The following XPO1 variants were observed in gnomAD, a reference collection of about 807,000 sequenced individuals.
The protein encoded by XPO1 is exportin-1.
Under a neutral mutation model 133.3 loss-of-function variants are expected in XPO1, and 5 were observed. The observed-to-expected ratio is 0.04, with a 90% confidence interval of 0.02 to 0.08. The LOEUF (loss-of-function observed/expected upper bound fraction) is 0.08. Among genes scored for constraint, XPO1 ranks in the 10% least tolerant of loss-of-function variants. The pLI is 1.00. For synonymous variants in XPO1, 419 were observed against 408.2 expected (o/e 1.03, Z -0.32); for missense variants, 506 against 1,267.5 (o/e 0.40, Z 9.12).
At chr2:61,521,252 G>C (rs1698675072) in intron 4 of XPO1, among the ~76,000 whole-genome samples, 1 of 151,994 alleles carries the variant, frequency 6.6e-6, no homozygotes. Flanking sequence ...CTCAAACTTT[G>C]TCAAGGTTTA....
In XPO1 at chr2:61,492,895, A is replaced by G. The variant is rs1697063948; in HGVS notation, c.1384+20T>C. Reference sequence around the variant, plus strand: ...GAATAGATTTATAAAGGTAAAGATTAACAGTATTTATTAACTTACCCAATG... The same window carrying G: ...GAATAGATTTATAAAGGTAAAGATTGACAGTATTTATTAACTTACCCAATG... On this transcript the variant is annotated intron_variant, in intron 13 of 24. Transcript: ENST00000401558. This position sits in a 1 kb window ranked among gnomAD's most constrained non-coding sequence, Gnocchi z 5.6. 1 of 1,584,600 alleles carries G rather than the reference A, an allele frequency of 6.3e-7. No homozygotes were observed.
At chr2:61,513,131 T>C (rs1213142858) in intron 4 of XPO1, among the ~76,000 whole-genome samples, 1 of 152,110 alleles carries the variant, frequency 6.6e-6, no homozygotes, top group African/African-American at 2.4e-5. Context: ...CTCGGCTCAC[T>C]GCAACCTCCA....
At chr2:61,487,319 T>C (rs1394118037) in intron 19 of XPO1, among the ~76,000 whole-genome samples, 1 of 152,232 alleles carries the variant, frequency 6.6e-6, no homozygotes, top group Non-Finnish European at 1.5e-5. Flanking sequence ...ATTACAAACA[T>C]CACAATTCCT....
intron 22 of XPO1, chr2:61,482,756 C>T: frequency 1.3e-6 from 1 of 740,906 alleles, no homozygotes; most frequent in East Asian, 2.8e-5. Flanking sequence ...CAATCACATG[C>T]CACCATGCCC....
At position 61,538,051 on chromosome 2, in the gene XPO1, C is replaced by CG. The variant is rs1487828575; in HGVS notation, c.-497_-496insC. The CG allele has an allele frequency of 8.3e-6, 1 of 121,124 alleles. No homozygotes were observed. The highest frequency in any genetic ancestry group is 8.0e-5 in the Admixed American group (1 of 12,546). 7.5% of individuals were successfully genotyped at this position (121,124 alleles called of 1,614,324 possible). On this transcript the variant is annotated 5_prime_UTR_variant, in exon 1 of 25. Transcript: ENST00000401558. ...GCGGCTCCGGCGCTGGCCCCCCCCCCCCCAAGGCTCGCCTAAACTTTCCCC... is the reference window on the plus strand; with the variant it reads ...GCGGCTCCGGCGCTGGCCCCCCCCCCGCCCAAGGCTCGCCTAAACTTTCCCC...
chr2:61,506,405 A>C (rs985315201), intron 4 of XPO1, among the ~76,000 whole-genome samples: 1 of 152,172 alleles, frequency 6.6e-6, no homozygotes, highest in Non-Finnish European at 1.5e-5. Flanking sequence ...CCTGGGTGAC[A>C]GAGCAAGACT....
chr2:61,480,584 G>A (rs559219281), intron 24 of XPO1: 1 of 151,554 alleles, frequency 6.6e-6, no homozygotes, highest in South Asian at 2.1e-4. Context: ...CCCAGCCTAG[G>A]TAACTTTCAT....
intron 4 of XPO1, among the ~76,000 whole-genome samples, chr2:61,515,457 C>G (rs1388899889): frequency 6.6e-6 from 1 of 152,106 alleles, no homozygotes; most frequent in Non-Finnish European, 1.5e-5. Flanking sequence ...GAAGGTATTT[C>G]AGAAGGTTCA....
Position 61,492,486 on chromosome 2 carries a change from A to G in XPO1, c.1567-5T>C. 1 of 1,587,428 alleles carries G rather than the reference A, an allele frequency of 6.3e-7. No individual in the cohort carries two copies. Among genetic ancestry groups the G allele is most frequent in the East Asian group, 2.2e-5 (1 of 44,728 alleles). On this transcript the variant is annotated splice_polypyrimidine_tract_variant and splice_region_variant and intron_variant, in intron 14 of 24. Transcript: ENST00000401558. This position sits in a 1 kb window ranked among gnomAD's most constrained non-coding sequence, Gnocchi z 5.6. ...TTCACATAATCCTAATAGATCCTGT[A>G]AATAAGACAAATTTGTATTATTTAT...
In XPO1 at chr2:61,500,429, A is replaced by C. The variant is rs374042892; in HGVS notation, c.409-535T>G. 4.4e-4 allele frequency among the ~76,000 whole-genome samples: 67 copies of C among 151,864 alleles called. 2 individuals are homozygous for C. In the East Asian group the frequency reaches 0.012, roughly 27 times the overall value. ...CCCTGTCTCTACTAAAAATACAAAA[A>C]TTAGCGAGGCATGGTGACGTGTGCC... On this transcript the variant is annotated intron_variant, in intron 6 of 24. Transcript: ENST00000401558.
Position 61,490,694 on chromosome 2 carries a change from T to C in XPO1, c.1970A>G (p.Tyr657Cys), listed in dbSNP as rs1269562267. The change falls in exon 17 of 25, where the codon TAC becomes TGC. Residue 657 changes from tyrosine to cysteine, a missense_variant. Transcript: ENST00000401558. ...QTVQEHLIEK[Y>C]MLLPNQVWDS... ...CCACACTTGATTAGGGAGTAACATG[T>C]ACTTTTCTATCAAGTGTTCTTGTAC... 6.2e-7 allele frequency: 1 copy of C among 1,614,228 alleles called. No individual in the cohort carries two copies. The highest frequency in any genetic ancestry group is 1.1e-5 in the South Asian group (1 of 91,086).
chr2:61,537,776 C>T lies in XPO1; in HGVS notation c.-221G>A, dbSNP rs1699418635. The stretch of plus-strand genomic sequence containing the variant: ...CAACACACACACACACACACACACA[C>T]ACACACACCCGCCCCCCCCCAAAAG... On this transcript the variant is annotated 5_prime_UTR_variant, in exon 1 of 25. The change creates a new upstream start codon in the 5' untranslated region. Coordinates refer to ENST00000401558, the MANE Select transcript of XPO1 (RefSeq NM_003400.4). 6.5e-6 allele frequency: 1 copy of T among 154,748 alleles called. No homozygotes were observed. Among genetic ancestry groups the T allele is most frequent in the Admixed American group, 6.5e-5 (1 of 15,284 alleles). The allele number at this position is 154,748 out of a possible 1,614,324, so 9.6% of individuals were successfully genotyped here.
At chr2:61,529,457 A>G (rs755940047) in intron 2 of XPO1, among the ~76,000 whole-genome samples, 1 of 152,174 alleles carries the variant, frequency 6.6e-6, no homozygotes, top group Non-Finnish European at 1.5e-5. Context: ...GAAGTTCAAG[A>G]CCAGCCTGGC....
At chr2:61,534,150 G>A (rs1573234981) in intron 1 of XPO1, 1 of 317,900 alleles carries the variant, frequency 3.1e-6, no homozygotes, top group South Asian at 7.7e-5. Flanking sequence ...ACACCAGGAA[G>A]ACTTTCCTAT....
At chr2:61,519,107 C>T (rs913891222) in intron 4 of XPO1, among the ~76,000 whole-genome samples, 2 of 152,016 alleles carry the variant, frequency 1.3e-5, no homozygotes, top group East Asian at 1.9e-4. Context: ...TGTGCCACCA[C>T]GCCCGGCTAA....
In XPO1 at chr2:61,482,411, G is replaced by C; in HGVS notation, c.2941C>G (p.Leu981Val). The C allele has an allele frequency of 2.5e-6, 4 of 1,612,224 alleles. No individual in the cohort carries two copies. The highest frequency in any genetic ancestry group is 3.4e-6 in the Non-Finnish European group (4 of 1,179,452). ...QIFLQEYVAN[L>V]LKSAFPHLQD... ...AGGTGAGGGAAGGCCGACTTAAGGA[G>C]ATTAGCCACATATTCCTGAAGAAAG... The change falls in exon 23 of 25, where the codon CTC becomes GTC. Residue 981 changes from leucine to valine, a missense_variant. This residue lies in a region of XPO1 where 203 missense variants were observed against 365.9 expected (regional missense o/e 0.55). Transcript: ENST00000401558.
At chr2:61,533,211 GTTTT>G (rs576039763) in intron 2 of XPO1, among the ~76,000 whole-genome samples, 1 of 151,896 alleles carries the variant, frequency 6.6e-6, no homozygotes, top group African/African-American at 2.4e-5. Context: ...AAAAAATCAA[GTTTT>G]TTTTCTTGTG....
intron 4 of XPO1, among the ~76,000 whole-genome samples, chr2:61,514,425 T>C (rs1181916541): frequency 6.6e-6 from 1 of 151,338 alleles, no homozygotes; most frequent in Non-Finnish European, 1.5e-5. Context: ...AGCTCGTCTC[T>C]ACTAAAAATA....
At chr2:61,505,202 G>A (rs2104560214) in intron 4 of XPO1, among the ~76,000 whole-genome samples, 1 of 151,850 alleles carries the variant, frequency 6.6e-6, no homozygotes, top group Middle Eastern at 3.4e-3. Context: ...ATTGTTGCTG[G>A]GGCTGGCCTT....
Sources: gnomAD v4.1 joint callset for allele counts (sites outside exome capture counted in the v4.1 genomes callset) on GRCh38, gnomAD v4.1.1 for gene constraint, gnomAD v4.1.1 regional missense constraint, Gnocchi (gnomAD v3.1) non-coding constraint, MANE v1.5 for transcripts, NCBI Gene and HGNC (gene_info 2026-07-23, HGNC 2026-07-21) for gene names.